DST: variants seen among roughly 807,000 people sequenced by gnomAD.
DST encodes the protein bullous pemphigoid antigen.
DST carries 253 observed loss-of-function variants against 875.2 expected under a neutral mutation model. That is an observed-to-expected ratio of 0.29 (90% CI 0.26 to 0.32). The LOEUF (loss-of-function observed/expected upper bound fraction) is 0.32, where lower values mean the gene tolerates loss of function less well. Among genes scored for constraint, DST ranks in the 10% least tolerant of loss-of-function variants. The pLI is 1.00. For missense variants in DST, 8,287 were observed against 9,111.6 expected (o/e 0.91, Z 3.68); for synonymous variants, 3,124 against 3,197.1 (o/e 0.98, Z 0.77).
rs2098327553 is a variant in DST at position 56,593,708 on chromosome 6, G to A, written c.12681C>T (p.Arg4227=). The A allele has an allele frequency of 4.3e-6, 7 of 1,612,432 alleles. No homozygotes were observed. Among genetic ancestry groups the A allele is most frequent in the Non-Finnish European group, 5.9e-6 (7 of 1,178,884 alleles). ...ACCGATCAGTAGCATGATCCAACTT[G>A]CGCTGCACTTCTCTGTGGGTTGCAG... ...DTSATHREVQ[R]KLDHATDRFR... is the part of the protein sequence containing the mutation. The change falls in exon 48 of 104, where the codon CGC becomes CGT. Residue 4227 remains arginine, a synonymous_variant. Transcript: ENST00000680361.
chr6:56,735,564 A>AC (rs1260788701), intron 4 of DST, among the ~76,000 whole-genome samples: 2 of 151,554 alleles, frequency 1.3e-5, no homozygotes. Flanking sequence ...CATCACCACC[A>AC]CCACCACCAT....
intron 2 of DST, among the ~76,000 whole-genome samples, chr6:56,949,320 T>G (rs1031508197): frequency 6.6e-6 from 1 of 152,250 alleles, no homozygotes; most frequent in African/African-American, 2.4e-5. Flanking sequence ...TATATGGTAG[T>G]GTTGACTCTG....
Position 56,902,927 on chromosome 6 carries a change from C to T in DST, c.217-2306G>A, listed in dbSNP as rs1372698649. ...ACCCACCCGCCCCCTCCACCCTCTACACACACACATTCATTCTCTCTCTCT... is the reference window on the plus strand; with the variant it reads ...ACCCACCCGCCCCCTCCACCCTCTATACACACACATTCATTCTCTCTCTCT... On this transcript the variant is annotated intron_variant, in intron 2 of 103. Transcript: ENST00000680361. 5.7e-5 allele frequency among the ~76,000 whole-genome samples: 8 copies of T among 140,126 alleles called. No individual in the cohort carries two copies. In the East Asian group the frequency reaches 1.5e-3, roughly 26 times the overall value. 91.9% of individuals were successfully genotyped at this position (140,126 alleles called of 152,430 possible). A position where few individuals can be genotyped will look rare whatever the true frequency, so the allele number is the denominator to read the frequency against.
At chr6:56,749,653 G>T (rs970716515) in intron 4 of DST, among the ~76,000 whole-genome samples, 3 of 152,042 alleles carry the variant, frequency 2.0e-5, no homozygotes, top group African/African-American at 7.3e-5. Flanking sequence ...TATTTTTTCA[G>T]GTTGTGAGGC....
chr6:56,698,795 G>T (rs932571124), intron 9 of DST, among the ~76,000 whole-genome samples: 12 of 152,094 alleles, frequency 7.9e-5, no homozygotes, highest in African/African-American at 2.7e-4. Flanking sequence ...AACATTTCTG[G>T]GTCTTTTTTA....
rs2094860984 is a variant in DST at position 56,470,975 on chromosome 6, G to C, written c.22321+131C>G. Reference sequence around the variant, plus strand: ...TTTACCAAAAAAACATTTTTTTAAGGGTCGTGACTTCCTAGGCAACTTATA... The same window carrying C: ...TTTACCAAAAAAACATTTTTTTAAGCGTCGTGACTTCCTAGGCAACTTATA... On this transcript the variant is annotated intron_variant, in intron 95 of 103. Transcript: ENST00000680361. 18 of 930,218 alleles carry C rather than the reference G, an allele frequency of 1.9e-5. No individual in the cohort carries two copies. The South Asian group carries it at 2.4e-4, about 12-fold the overall frequency. 57.6% of individuals were successfully genotyped at this position (930,218 alleles called of 1,614,324 possible).
intron 49 of DST, among the ~76,000 whole-genome samples, chr6:56,581,472 G>C (rs999240840): frequency 6.6e-6 from 1 of 152,166 alleles, no homozygotes; most frequent in African/African-American, 2.4e-5. Context: ...AAAGACTAAT[G>C]AGTCCTTGAA....
intron 63 of DST, among the ~76,000 whole-genome samples, chr6:56,532,917 T>C (rs1473451620): frequency 6.6e-6 from 1 of 152,206 alleles, no homozygotes; most frequent in Non-Finnish European, 1.5e-5. Flanking sequence ...AAGGTTCCTA[T>C]AAATCATTAC....
At chr6:56,785,801 T>C in intron 4 of DST, 3 of 159,560 alleles carry the variant, frequency 1.9e-5, no homozygotes, top group Non-Finnish European at 4.1e-5. Flanking sequence ...TCACCCGTCT[T>C]CTGCGTCGCT....
At position 56,604,711 on chromosome 6, in the gene DST, G is replaced by A; in HGVS notation, c.9917C>T (p.Thr3306Ile). ...NGLGNDNSSNTLNTDYSFLEI... is the reference protein window; with the variant it reads ...NGLGNDNSSNILNTDYSFLEI... ...TAAGAATGAATAGTCAGTATTTAAAGTGTTACTGGAGTTATCATTTCCTAA... is the reference window on the plus strand; with the variant it reads ...TAAGAATGAATAGTCAGTATTTAAAATGTTACTGGAGTTATCATTTCCTAA... Residue 3306 changes from threonine to isoleucine, a missense_variant, in exon 40 of 104, where the codon ACT becomes ATT. By Grantham distance (89) the Thr-to-Ile change is moderately conservative (BLOSUM62 -1). This residue lies in a region of DST where 3,138 missense variants were observed against 3,116.6 expected (regional missense o/e 1.01). Transcript: ENST00000680361. 6.2e-7 allele frequency: 1 copy of A among 1,612,236 alleles called. No individual in the cohort carries two copies. Among genetic ancestry groups the A allele is most frequent in the Non-Finnish European group, 8.5e-7 (1 of 1,179,046 alleles).
intron 69 of DST, among the ~76,000 whole-genome samples, chr6:56,519,828 A>C (rs1173090099): frequency 1.3e-5 from 2 of 152,206 alleles, no homozygotes; most frequent in Non-Finnish European, 2.9e-5. Context: ...AACACTCATA[A>C]GATCATATAA....
chr6:56,777,753 G>C (rs2099681992), intron 4 of DST, among the ~76,000 whole-genome samples: 1 of 151,774 alleles, frequency 6.6e-6, no homozygotes, highest in South Asian at 2.1e-4. Flanking sequence ...GCCCAGGCTG[G>C]AGTACAATGG....
At chr6:56,792,880 C>A (rs1476651884) in intron 4 of DST, among the ~76,000 whole-genome samples, 2 of 151,846 alleles carry the variant, frequency 1.3e-5, no homozygotes, top group Non-Finnish European at 2.9e-5. Flanking sequence ...CCAGCCTAGA[C>A]AACATGGTGA....
At chr6:56,927,059 T>A (rs1269560226) in intron 2 of DST, among the ~76,000 whole-genome samples, 1 of 152,142 alleles carries the variant, frequency 6.6e-6, no homozygotes, top group Non-Finnish European at 1.5e-5. Context: ...ATATGTACAA[T>A]AATTAAAGGA....
chr6:56,944,925 G>A (rs965305342), intron 2 of DST, among the ~76,000 whole-genome samples: 3 of 152,134 alleles, frequency 2.0e-5, no homozygotes, highest in African/African-American at 4.8e-5. Context: ...AAATAACCAT[G>A]GCTGGCTCTG....
At chr6:56,735,405 A>G (rs1293255286) in intron 4 of DST, 116 bp from the exon 5 acceptor site, 1 of 708,992 alleles carries the variant, frequency 1.4e-6, no homozygotes, top group Non-Finnish European at 2.3e-6. Flanking sequence ...CAGTGTATTC[A>G]AAGTTTCTTG....
At chr6:56,681,116 A>C (rs1484614376) in intron 9 of DST, among the ~76,000 whole-genome samples, 3 of 152,188 alleles carry the variant, frequency 2.0e-5, no homozygotes, top group African/African-American at 7.2e-5. Flanking sequence ...CAGCCCCTTC[A>C]AACTCAATGT....
At chr6:56,612,525 G>A (rs1245689111) in intron 37 of DST, among the ~76,000 whole-genome samples, 3 of 152,152 alleles carry the variant, frequency 2.0e-5, no homozygotes, top group Non-Finnish European at 2.9e-5. Flanking sequence ...ATTCCTCAGT[G>A]TATCATTTCC....
chr6:56,921,489 C>T (rs1191808645), intron 2 of DST, among the ~76,000 whole-genome samples: 1 of 152,172 alleles, frequency 6.6e-6, no homozygotes, highest in Non-Finnish European at 1.5e-5. Context: ...GTTATCAATG[C>T]ATTTCTTCCA....
Sources: allele counts gnomAD v4.1 joint callset (sites outside exome capture counted in the v4.1 genomes callset), GRCh38; gene constraint gnomAD v4.1.1; regional missense constraint gnomAD v4.1.1; transcripts MANE v1.5; gene names NCBI Gene and HGNC (gene_info 2026-07-23, HGNC 2026-07-21).